The following CSGALNACT1 variants were observed in gnomAD, a reference collection of about 807,000 sequenced individuals.
CSGALNACT1 encodes beta4GalNAcT-1.
In CSGALNACT1, 52 loss-of-function variants were observed where a neutral mutation model predicts 51.0. The ratio of observed to expected loss-of-function variants is 1.02; its 90% CI spans 0.82 to 1.29. The LOEUF (loss-of-function observed/expected upper bound fraction) is 1.29. Ranked by LOEUF, CSGALNACT1 falls within the 50% of genes most tolerant of loss-of-function variation. CSGALNACT1 has a pLI of 0.00. For synonymous variants in CSGALNACT1, 341 were observed against 254.4 expected (o/e 1.34, Z -3.24); for missense variants, 935 against 679.2 (o/e 1.38, Z -4.19).
In CSGALNACT1 at chr8:19,507,774, C is replaced by T. The variant is rs551851764; in HGVS notation, c.-296-1644G>A. ...TCCTGAGTAGCTGGGACTACAGGCA[C>T]GCATCACCACCCCTGGCTAATGTTT... On this transcript the variant is annotated intron_variant, in intron 3 of 9. Transcript: ENST00000454498. Among the ~76,000 whole-genome samples, 11 of 152,250 alleles carry T rather than the reference C, an allele frequency of 7.2e-5. No homozygotes were observed. The East Asian group carries it at 7.7e-4, about 11-fold the overall frequency.
At chr8:19,430,503 T>TA (rs2059493093) in intron 6 of CSGALNACT1, among the ~76,000 whole-genome samples, 1 of 152,188 alleles carries the variant, frequency 6.6e-6, no homozygotes. Flanking sequence ...GTACCCTTGT[T>TA]AAAAATCAAA....
intron 2 of CSGALNACT1, among the ~76,000 whole-genome samples, chr8:19,592,192 G>C (rs1468028947): frequency 6.6e-6 from 1 of 152,094 alleles, no homozygotes; most frequent in Admixed American, 6.5e-5. Context: ...GTACTAGAGG[G>C]GAAAATAGTT....
intron 1 of CSGALNACT1, among the ~76,000 whole-genome samples, chr8:19,619,726 T>C (rs946801714): frequency 6.6e-6 from 1 of 152,192 alleles, no homozygotes; most frequent in African/African-American, 2.4e-5. Flanking sequence ...CGTGTCACAA[T>C]AACAAAACAG....
chr8:19,513,436 C>CTCTCTCTATATA, intron 3 of CSGALNACT1, among the ~76,000 whole-genome samples: 1,342 of 81,766 alleles, frequency 0.016, 34 homozygotes, highest in Non-Finnish European at 0.024. Flanking sequence ...CTCTCTCTCT[C>CTCTCTCTATATA]TATATATATA....
intron 4 of CSGALNACT1, among the ~76,000 whole-genome samples, chr8:19,470,947 T>C (rs2068001281): frequency 1.3e-5 from 2 of 151,840 alleles, no homozygotes; most frequent in Admixed American, 1.3e-4. Context: ...AATACAAAAA[T>C]TAGCTGGGCG....
chr8:19,686,293 T>C (rs1281585265), upstream of CSGALNACT1, among the ~76,000 whole-genome samples: 1 of 152,082 alleles, frequency 6.6e-6, no homozygotes, highest in East Asian at 1.9e-4. Context: ...GACTGAACAC[T>C]TACCAGCTTA....
At chr8:19,660,737 G>A (rs1166815067) in intron 1 of CSGALNACT1, among the ~76,000 whole-genome samples, 1 of 152,126 alleles carries the variant, frequency 6.6e-6, no homozygotes, top group East Asian at 1.9e-4. Flanking sequence ...TGATATTAAA[G>A]GCAATGACAT....
chr8:19,706,561 C>G lies in CSGALNACT1; in HGVS notation c.-297+51289G>C, dbSNP rs532512408. 5.3e-5 allele frequency among the ~76,000 whole-genome samples: 8 copies of G among 152,272 alleles called. 1 individual carries two copies. The South Asian group carries it at 1.0e-3, about 20-fold the overall frequency. ...AACACCCAGAAGGACATCTCTTTAG[C>G]CTCCAACCACAAGGGAAGAAGAGGA... On this transcript the variant is annotated intron_variant, in intron 1 of 1. Transcript: ENST00000517494.
In CSGALNACT1 at chr8:19,557,009, C is replaced by T. The variant is rs908066034; in HGVS notation, c.-297+34151G>A. Among the ~76,000 whole-genome samples the T allele has an allele frequency of 2.6e-5, 4 of 151,820 alleles. No homozygotes were observed. The South Asian group carries it at 8.3e-4, about 32-fold the overall frequency. On this transcript the variant is annotated intron_variant, in intron 3 of 9. Transcript: ENST00000454498. ...AAAAAAAAAAAAAAGTCTTCAACCT[C>T]AACTGGAACATCCTTCAGAGAAGAA...
At chr8:19,541,246 ATTTTT>A (rs34749639) in intron 3 of CSGALNACT1, among the ~76,000 whole-genome samples, 2 of 111,314 alleles carry the variant, frequency 1.8e-5, no homozygotes, top group Non-Finnish European at 1.8e-5. Flanking sequence ...AACTTGGCTA[ATTTTT>A]TTTTTTTTTT....
At chr8:19,530,296 A>G (rs965950492) in intron 3 of CSGALNACT1, among the ~76,000 whole-genome samples, 1 of 150,550 alleles carries the variant, frequency 6.6e-6, no homozygotes, top group Non-Finnish European at 1.5e-5. Flanking sequence ...TTCAATATCC[A>G]TGAATGTGTA....
At chr8:19,705,036 C>G (rs988980370) in intron 1 of CSGALNACT1, among the ~76,000 whole-genome samples, 1 of 152,144 alleles carries the variant, frequency 6.6e-6, no homozygotes, top group South Asian at 2.1e-4. Context: ...AGTTAATACA[C>G]GTATTGCCCA....
At chr8:19,663,510 T>C (rs1392158146) in intron 1 of CSGALNACT1, among the ~76,000 whole-genome samples, 1 of 152,178 alleles carries the variant, frequency 6.6e-6, no homozygotes, top group Non-Finnish European at 1.5e-5. Context: ...TACAAGCAAC[T>C]CTGTTCCAAA....
intron 6 of CSGALNACT1, among the ~76,000 whole-genome samples, chr8:19,435,664 C>T (rs2060267046): frequency 6.6e-6 from 1 of 152,080 alleles, no homozygotes; most frequent in East Asian, 1.9e-4. Flanking sequence ...GCCTGGGTCC[C>T]AGGAGTCTGC....
chr8:19,483,185 C>A (rs2071924575), intron 4 of CSGALNACT1, among the ~76,000 whole-genome samples: 1 of 152,214 alleles, frequency 6.6e-6, no homozygotes, highest in South Asian at 2.1e-4. Context: ...AGCTCTTTGT[C>A]CCTCTAGGCT....
intron 5 of CSGALNACT1, among the ~76,000 whole-genome samples, chr8:19,455,607 T>G (rs1047559237): frequency 2.6e-5 from 4 of 152,214 alleles, no homozygotes; most frequent in African/African-American, 7.2e-5. Flanking sequence ...AAATGCCATC[T>G]TTAATAAGGT....
chr8:19,447,186 C>T (rs2062282912), intron 5 of CSGALNACT1, among the ~76,000 whole-genome samples: 1 of 152,182 alleles, frequency 6.6e-6, no homozygotes, highest in Non-Finnish European at 1.5e-5. Flanking sequence ...AGCCAGGTTT[C>T]CTAAGCACCT....
intron 3 of CSGALNACT1, among the ~76,000 whole-genome samples, chr8:19,521,037 C>T (rs537319210): frequency 3.9e-5 from 6 of 152,226 alleles, no homozygotes; most frequent in Non-Finnish European, 5.9e-5. Flanking sequence ...TTCAACACAC[C>T]GTCCTGGAGC....
intron 1 of CSGALNACT1, among the ~76,000 whole-genome samples, chr8:19,657,736 G>A (rs966095195): frequency 3.3e-5 from 5 of 152,180 alleles, no homozygotes; most frequent in African/African-American, 1.2e-4. Flanking sequence ...AAGACCCTGG[G>A]GCAAAACAAG....
Sources: gnomAD v4.1 joint callset for allele counts (sites outside exome capture counted in the v4.1 genomes callset) on GRCh38, gnomAD v4.1.1 for gene constraint, MANE v1.5 for transcripts, NCBI Gene and HGNC (gene_info 2026-07-23, HGNC 2026-07-21) for gene names.